Variants in ZRANB3 observed in about 807,000 individuals in gnomAD.
The protein encoded by ZRANB3 is DNA annealing helicase and endonuclease ZRANB3.
In ZRANB3, 125 loss-of-function variants were observed where a neutral mutation model predicts 133.8. That is an observed-to-expected ratio of 0.93 (90% CI 0.81 to 1.08). The LOEUF (loss-of-function observed/expected upper bound fraction) is 1.08, where lower values mean the gene tolerates loss of function less well. ZRANB3 is among the 50% of genes least tolerant of loss of function. The pLI is 0.00. For synonymous variants in ZRANB3, 387 were observed against 432.7 expected (o/e 0.89, Z 1.31); for missense variants, 1,229 against 1,275.5 (o/e 0.96, Z 0.56).
intron 6 of ZRANB3, among the ~76,000 whole-genome samples, chr2:135,337,994 G>A (rs1006131872): frequency 6.6e-6 from 1 of 152,164 alleles, no homozygotes; most frequent in Admixed American, 6.5e-5. Flanking sequence ...TATTCCAGAA[G>A]CTCCAAATCT....
intron 1 of ZRANB3, among the ~76,000 whole-genome samples, chr2:135,517,048 T>C (rs528914298): frequency 3.9e-5 from 6 of 151,960 alleles, no homozygotes; most frequent in Non-Finnish European, 7.4e-5. Flanking sequence ...TATCCTTTCT[T>C]CTGCTTGGTC....
intron 12 of ZRANB3, among the ~76,000 whole-genome samples, chr2:135,247,029 C>T (rs890360533): frequency 6.6e-6 from 1 of 152,168 alleles, no homozygotes; most frequent in Non-Finnish European, 1.5e-5. Context: ...TCCAGGGAAG[C>T]ACAGGCTACC....
chr2:135,433,197 G>A (rs1360578323), intron 2 of ZRANB3, among the ~76,000 whole-genome samples: 1 of 152,016 alleles, frequency 6.6e-6, no homozygotes, highest in Non-Finnish European at 1.5e-5. Flanking sequence ...TCCCAGCCTG[G>A]GCAACATAGT....
chr2:135,500,514 A>G (rs986177275), intron 2 of ZRANB3, among the ~76,000 whole-genome samples: 17 of 152,296 alleles, frequency 1.1e-4, no homozygotes, highest in African/African-American at 3.4e-4. Flanking sequence ...ACAAGATACA[A>G]AAGAATATAC....
intron 8 of ZRANB3, among the ~76,000 whole-genome samples, chr2:135,307,564 T>C (rs560638346): frequency 3.0e-4 from 45 of 152,382 alleles, no homozygotes; most frequent in African/African-American, 1.1e-3. Flanking sequence ...CCTTGTCTAA[T>C]AGTTCTACAA....
At chr2:135,477,098 G>C (rs1026556191) in intron 2 of ZRANB3, among the ~76,000 whole-genome samples, 2 of 151,986 alleles carry the variant, frequency 1.3e-5, no homozygotes, top group Non-Finnish European at 2.9e-5. Flanking sequence ...TTTTTAATTA[G>C]TGATTTTAAA....
intron 3 of ZRANB3, among the ~76,000 whole-genome samples, chr2:135,369,247 C>T (rs986829841): frequency 6.6e-6 from 1 of 151,676 alleles, no homozygotes; most frequent in African/African-American, 2.4e-5. Flanking sequence ...AAATGGAATG[C>T]CTGGCTATCC....
At chr2:135,410,955 T>C (rs1386952111) in intron 2 of ZRANB3, among the ~76,000 whole-genome samples, 1 of 152,076 alleles carries the variant, frequency 6.6e-6, no homozygotes, top group Non-Finnish European at 1.5e-5. Flanking sequence ...AGTCAAAAAA[T>C]AGGCCAGGTG....
intron 8 of ZRANB3, among the ~76,000 whole-genome samples, chr2:135,276,970 A>G (rs892426526): frequency 1.3e-5 from 2 of 152,204 alleles, no homozygotes; most frequent in South Asian, 2.1e-4. Context: ...TATTCCATAT[A>G]ATAGGTAACT....
intron 3 of ZRANB3, among the ~76,000 whole-genome samples, chr2:135,369,094 G>C (rs894065752): frequency 5.3e-5 from 8 of 151,900 alleles, no homozygotes; most frequent in African/African-American, 1.9e-4. Context: ...ATTAAGTAAA[G>C]GGCCTAACTT....
chr2:135,227,791 A>G, intron 14 of ZRANB3, 21 bp downstream of exon 14: 2 of 1,557,590 alleles, frequency 1.3e-6, no homozygotes, highest in Non-Finnish European at 1.7e-6. Context: ...CTTGGATGCT[A>G]GAAATGGAAA....
intron 8 of ZRANB3, among the ~76,000 whole-genome samples, chr2:135,290,025 G>C (rs969310504): frequency 2.0e-5 from 3 of 152,186 alleles, no homozygotes; most frequent in Non-Finnish European, 2.9e-5. Flanking sequence ...TTCTGTAGTT[G>C]TTGGGTAGAA....
Position 135,388,105 on chromosome 2 carries a change from CG to C in ZRANB3, c.180+2696del, listed in dbSNP as rs565431530. The stretch of plus-strand genomic sequence containing the variant: ...GAGGCTCCACAATCATGGTGGAAGG[CG>C]AAAGAGGAGTAAGGTCACATCTTTT... On this transcript the variant is annotated intron_variant, in intron 3 of 20. Transcript: ENST00000264159. 8.1e-4 allele frequency among the ~76,000 whole-genome samples: 123 copies of C among 152,124 alleles called. 1 individual carries two copies. Among genetic ancestry groups the C allele is most frequent in the African/African-American group, 2.6e-3 (109 of 41,492 alleles).
At chr2:135,390,706 T>G (rs1687186324) in intron 3 of ZRANB3, 96 bp downstream of exon 3, 1 of 1,374,252 alleles carries the variant, frequency 7.3e-7, no homozygotes, top group South Asian at 1.3e-5. Context: ...TATACAGACA[T>G]ATAGTCATAT....
intron 6 of ZRANB3, among the ~76,000 whole-genome samples, chr2:135,343,349 C>A (rs1288394554): frequency 6.7e-6 from 1 of 149,710 alleles, no homozygotes; most frequent in Non-Finnish European, 1.5e-5. Flanking sequence ...AATGTGAATG[C>A]CATTTGCATA....
intron 2 of ZRANB3, among the ~76,000 whole-genome samples, chr2:135,497,830 A>T (rs1424161488): frequency 6.6e-6 from 1 of 152,190 alleles, no homozygotes; most frequent in Non-Finnish European, 1.5e-5. Flanking sequence ...AGGCGGACAG[A>T]TCAACGGAGG....
rs564349131 is a variant in ZRANB3 at position 135,207,856 on chromosome 2, T to C, written c.2607-20A>G. 6 of 1,575,982 alleles carry C rather than the reference T, an allele frequency of 3.8e-6. No homozygotes were observed. Among genetic ancestry groups the C allele is most frequent in the African/African-American group, 2.7e-5 (2 of 73,850 alleles). On this transcript the variant is annotated intron_variant, in intron 18 of 20. Coordinates refer to ENST00000264159, the MANE Select transcript of ZRANB3 (RefSeq NM_032143.4). ...AGTTTTCTACAATTGATAAAAACAC[T>C]GAATAGGTAACTAATGAATGATTAG...
At chr2:135,411,597 C>T (rs1241053539) in intron 2 of ZRANB3, among the ~76,000 whole-genome samples, 5 of 152,172 alleles carry the variant, frequency 3.3e-5, no homozygotes, top group South Asian at 2.1e-4. Flanking sequence ...AAGAACAAAA[C>T]GATGTCCTTT....
chr2:135,380,928 C>T (rs763441604), intron 3 of ZRANB3, among the ~76,000 whole-genome samples: 2 of 152,246 alleles, frequency 1.3e-5, no homozygotes, highest in Admixed American at 6.5e-5. Flanking sequence ...GCATGAGCGA[C>T]GCAGAAGAGG....
Sources: allele counts gnomAD v4.1 joint callset (sites outside exome capture counted in the v4.1 genomes callset), GRCh38; gene constraint gnomAD v4.1.1; transcripts MANE v1.5; gene names NCBI Gene and HGNC (gene_info 2026-07-23, HGNC 2026-07-21).